Variants in TPO observed in about 807,000 individuals in gnomAD.
TPO encodes the protein thyroid microsomal antigen.
A neutral mutation model predicts 96.9 loss-of-function variants in TPO; 78 were observed. The observed-to-expected ratio is 0.81, with a 90% CI of 0.67 to 0.97. The LOEUF is 0.97. Ranked by LOEUF, TPO falls within the 50% of genes least tolerant of loss-of-function variation. The probability of loss-of-function intolerance (pLI) is 0.00; values close to 1 mark genes in which losing one functional copy is unlikely to be tolerated. For missense variants in TPO, 1,252 were observed against 1,274.8 expected, an observed-to-expected ratio of 0.98 and a Z score of 0.27; for synonymous variants, 547 against 538.0, an observed-to-expected ratio of 1.02 and a Z score of -0.23.
intron 2 of TPO, among the ~76,000 whole-genome samples, chr2:1,421,637 G>A (rs1217832600): frequency 7.2e-5 from 11 of 152,224 alleles, no homozygotes; most frequent in Non-Finnish European, 2.9e-5. Flanking sequence ...GTTGCAGTGG[G>A]TTTAGAAGGA....
Position 1,496,031 on chromosome 2 carries a change from G to C in TPO, c.2049G>C (p.Arg683Ser). 5.6e-6 allele frequency: 9 copies of C among 1,613,656 alleles called. No homozygotes were observed. The highest frequency in any genetic ancestry group is 7.6e-6 in the Non-Finnish European group (9 of 1,180,010). ...ENSHVFTDAQ[R>S]RELEKHSLSR... ...GCCACGTCTTCACGGATGCACAGAG[G>C]CGTGAGCTGGAGAAGCACTCCCTGT... Residue 683 changes from arginine to serine, a missense_variant, in exon 12 of 17, where the codon AGG becomes AGC. By Grantham distance (110) the Arg-to-Ser change is moderately radical (BLOSUM62 -1). Coordinates refer to ENST00000329066, the MANE Select transcript of TPO (RefSeq NM_001206744.2).
chr2:1,444,075 G>A (rs1202805287), intron 5 of TPO, among the ~76,000 whole-genome samples: 107 of 113,618 alleles, frequency 9.4e-4, no homozygotes, highest in African/African-American at 2.8e-3. Context: ...TCATTGCTGC[G>A]GGAGGCACCA....
At chr2:1,464,869 TGTTCC>T (rs754763623) in intron 7 of TPO, among the ~76,000 whole-genome samples, 6 of 152,234 alleles carry the variant, frequency 3.9e-5, no homozygotes, top group Non-Finnish European at 7.3e-5. Context: ...CTCTACTGAC[TGTTCC>T]TTTTGCTGTG....
intron 6 of TPO, 105 bp from the exon 7 acceptor site, chr2:1,455,971 C>T (rs1667746131): frequency 8.6e-7 from 1 of 1,156,630 alleles, no homozygotes; most frequent in Admixed American, 2.0e-5. Flanking sequence ...GCACCTGGAG[C>T]TCTGTGAACA....
chr2:1,539,891 T>TA (rs932761283), intron 15 of TPO, among the ~76,000 whole-genome samples: 11 of 143,428 alleles, frequency 7.7e-5, no homozygotes, highest in African/African-American at 2.8e-4. Context: ...CGGGGGCAGG[T>TA]AAAAACGCAG....
chr2:1,540,829 C>T, intron 16 of TPO, 106 bp downstream of exon 16: 1 of 1,593,524 alleles, frequency 6.3e-7, no homozygotes, highest in Non-Finnish European at 8.5e-7. Context: ...TCTGTTTACT[C>T]CGTGTTTCCT....
At chr2:1,396,436 G>A (rs571792415) in intron 1 of TPO, among the ~76,000 whole-genome samples, 81 of 152,332 alleles carry the variant, frequency 5.3e-4, no homozygotes, top group African/African-American at 1.8e-3. Flanking sequence ...GTCTTCCGCA[G>A]CTGAGAGGGT....
At chr2:1,448,154 G>A (rs1358753868) in intron 5 of TPO, among the ~76,000 whole-genome samples, 1 of 152,180 alleles carries the variant, frequency 6.6e-6, no homozygotes, top group Admixed American at 6.5e-5. Flanking sequence ...AGGTTTCCAG[G>A]AGACTGCATG....
chr2:1,527,509 C>G (rs115038021), intron 15 of TPO, among the ~76,000 whole-genome samples: 1,731 of 149,464 alleles, frequency 0.012, 81 homozygotes, highest in African/African-American at 0.041. Context: ...TCCCCAAATC[C>G]TCCCAGTGTG....
chr2:1,377,543 C>G (rs79938583), intron 1 of TPO, among the ~76,000 whole-genome samples: 3,955 of 152,246 alleles, frequency 0.026, 111 homozygotes, highest in South Asian at 0.11. Context: ...CAAAATGAAC[C>G]CAGACAGAGT....
At chr2:1,503,354 A>G (rs1673061978) in intron 13 of TPO, among the ~76,000 whole-genome samples, 3 of 152,248 alleles carry the variant, frequency 2.0e-5, no homozygotes, top group African/African-American at 7.2e-5. Context: ...GTGACACGCT[A>G]CAGCTTCTTT....
chr2:1,536,977 TCTCCCCCACTGTGTGCAA>T (rs1679832530), intron 15 of TPO, among the ~76,000 whole-genome samples: 3 of 28,876 alleles, frequency 1.0e-4, no homozygotes, highest in East Asian at 1.2e-3. Context: ...AACCCCCCAA[TCTCCCCCACTGTGTGCAA>T]CCTCAAATCC....
In TPO at chr2:1,483,180, T is replaced by C. The variant is rs557598470; in HGVS notation, c.1339-1416T>C. Reference sequence around the variant, plus strand: ...TCAGACACTGAGGAAGTACAGTGTCTGTGAGGCTCTGATGAAGGGCGCAGG... The same window carrying C: ...TCAGACACTGAGGAAGTACAGTGTCCGTGAGGCTCTGATGAAGGGCGCAGG... On this transcript the variant is annotated intron_variant, in intron 8 of 16. Transcript: ENST00000329066. Among the ~76,000 whole-genome samples the C allele has an allele frequency of 2.6e-5, 4 of 152,300 alleles. No homozygotes were observed. The East Asian group carries it at 7.7e-4, about 29-fold the overall frequency.
At chr2:1,502,533 G>A (rs1315925872) in intron 13 of TPO, among the ~76,000 whole-genome samples, 1 of 152,060 alleles carries the variant, frequency 6.6e-6, no homozygotes, top group Non-Finnish European at 1.5e-5. Flanking sequence ...GGGATTACAG[G>A]CACCCACCAC....
At chr2:1,401,591 A>AGG (rs1662173395) in intron 1 of TPO, among the ~76,000 whole-genome samples, 1 of 152,008 alleles carries the variant, frequency 6.6e-6, no homozygotes, top group African/African-American at 2.4e-5. Flanking sequence ...AGCTCCCCTC[A>AGG]GGACCAGACA....
intron 1 of TPO, among the ~76,000 whole-genome samples, chr2:1,392,603 G>A (rs1006135859): frequency 2.0e-5 from 3 of 152,134 alleles, no homozygotes; most frequent in African/African-American, 7.2e-5. Flanking sequence ...TTGTACCTCC[G>A]GTAGAATTCG....
chr2:1,529,851 C>A (rs115877453), intron 15 of TPO, among the ~76,000 whole-genome samples: 10 of 128,802 alleles, frequency 7.8e-5, no homozygotes, highest in African/African-American at 3.1e-4. Flanking sequence ...CGCTGTGCAA[C>A]CTCCCAAAAT....
intron 7 of TPO, among the ~76,000 whole-genome samples, chr2:1,472,552 G>A (rs1260760183): frequency 6.6e-6 from 1 of 152,094 alleles, no homozygotes; most frequent in Non-Finnish European, 1.5e-5. Context: ...CCCCCCAGTG[G>A]AGCGCCAAGC....
intron 7 of TPO, among the ~76,000 whole-genome samples, chr2:1,470,142 A>G: frequency 6.6e-6 from 1 of 152,244 alleles, no homozygotes; most frequent in East Asian, 1.9e-4. Flanking sequence ...CCAATGCGGT[A>G]AAGAAGAAAA....
Sources: gnomAD v4.1 joint callset for allele counts (sites outside exome capture counted in the v4.1 genomes callset) on GRCh38, gnomAD v4.1.1 for gene constraint, MANE v1.5 for transcripts, NCBI Gene and HGNC (gene_info 2026-07-23, HGNC 2026-07-21) for gene names.